The following F2RL1 variants were observed in gnomAD, a reference collection of about 807,000 sequenced individuals.
F2RL1 encodes proteinase-activated receptor 2.
Under a neutral mutation model 21.7 loss-of-function variants are expected in F2RL1, and 16 were observed. That is an observed-to-expected ratio of 0.74 (90% CI 0.50 to 1.12). F2RL1 has a LOEUF of 1.12. Ranked by LOEUF, F2RL1 falls within the 50% of genes most tolerant of loss-of-function variation. F2RL1 has a pLI of 0.00. For synonymous variants in F2RL1, 181 were observed against 186.7 expected, an observed-to-expected ratio of 0.97 and a Z score of 0.25; for missense variants, 432 against 477.8, an observed-to-expected ratio of 0.90 and a Z score of 0.89.
intron 1 of F2RL1, among the ~76,000 whole-genome samples, chr5:76,820,740 CT>C (rs2150604060): frequency 6.6e-6 from 1 of 152,222 alleles, no homozygotes; most frequent in East Asian, 1.9e-4. Flanking sequence ...GTTTACTACT[CT>C]TGGGGGATTG....
In F2RL1 at chr5:76,833,629, C is replaced by G. The variant is rs764534865; in HGVS notation, c.1022C>G (p.Pro341Arg). ...CLSTLNSCIDPFVYYFVSHDF... is the reference protein window; with the variant it reads ...CLSTLNSCIDRFVYYFVSHDF... ...TCTACCCTTAACAGCTGCATCGACC[C>G]CTTTGTCTATTACTTTGTTTCACAT... is the stretch of plus-strand genomic sequence containing the variant. Residue 341 changes from proline (P) to arginine (R), a missense_variant, in exon 2 of 2, where the codon CCC becomes CGC. Pro to Arg is a moderately radical substitution (Grantham distance 103). Coordinates refer to ENST00000296677, the MANE Select transcript of F2RL1 (RefSeq NM_005242.6). The G allele has an allele frequency of 1.7e-5, 28 of 1,613,806 alleles. No individual in the cohort carries two copies.
At chr5:76,825,655 G>A (rs144771589) in intron 1 of F2RL1, among the ~76,000 whole-genome samples, 4 of 152,316 alleles carry the variant, frequency 2.6e-5, no homozygotes, top group African/African-American at 7.2e-5. Flanking sequence ...AGCTGGGATA[G>A]CATCGGTTCT....
chr5:76,833,564 G>C lies in F2RL1; in HGVS notation c.957G>C (p.Gln319His), dbSNP rs1186516213. ...ATTTTCTGATTAAGAGCCAGGGCCAGAGCCATGTCTATGCCCTGTACATTG... is the reference window on the plus strand; with the variant it reads ...ATTTTCTGATTAAGAGCCAGGGCCACAGCCATGTCTATGCCCTGTACATTG... ...VHYFLIKSQGQSHVYALYIVA... is the reference protein window; with the variant it reads ...VHYFLIKSQGHSHVYALYIVA... The change falls in exon 2 of 2, where the codon CAG becomes CAC. Residue 319 changes from glutamine (Q) to histidine (H), a missense_variant. Coordinates refer to ENST00000296677, the MANE Select transcript of F2RL1 (RefSeq NM_005242.6). 8.7e-6 allele frequency: 14 copies of C among 1,613,834 alleles called. No individual in the cohort carries two copies. The highest frequency in any genetic ancestry group is 1.2e-5 in the Non-Finnish European group (14 of 1,180,004).
At chr5:76,832,591 TA>T in intron 1 of F2RL1, 98 bp from the exon 2 acceptor site, 1 of 1,238,654 alleles carries the variant, frequency 8.1e-7, no homozygotes, top group Non-Finnish European at 1.1e-6. Flanking sequence ...TCTCATAAAT[TA>T]AAAAATGAAT....
At chr5:76,830,901 A>G (rs1216875519) in intron 1 of F2RL1, among the ~76,000 whole-genome samples, 1 of 152,192 alleles carries the variant, frequency 6.6e-6, no homozygotes, top group African/African-American at 2.4e-5. Flanking sequence ...ATGATGACCA[A>G]GCATAACATT....
At chr5:76,821,433 T>C (rs1750134267) in intron 1 of F2RL1, among the ~76,000 whole-genome samples, 2 of 152,230 alleles carry the variant, frequency 1.3e-5, no homozygotes, top group South Asian at 4.1e-4. Context: ...CTGGTCCATG[T>C]GGTGTTCATT....
Position 76,819,276 on chromosome 5 carries a change from G to A in F2RL1, c.82+12G>A. The A allele has an allele frequency of 6.3e-7, 1 of 1,581,756 alleles. No homozygotes were observed. The highest frequency in any genetic ancestry group is 8.5e-7 in the Non-Finnish European group (1 of 1,172,694). ...TGGCACCATCCAAGGTGAGAAACCTGGCCAAGGAGGGCTCTTATCTCTGAG... is the reference window on the plus strand; with the variant it reads ...TGGCACCATCCAAGGTGAGAAACCTAGCCAAGGAGGGCTCTTATCTCTGAG... On this transcript the variant is annotated intron_variant, in intron 1 of 1. Transcript: ENST00000296677.
Position 76,833,250 on chromosome 5 carries a change from A to G in F2RL1, c.643A>G (p.Thr215Ala). ...VTIPLYVVKQ[T>A]IFIPALNITT... Reference sequence around the variant, plus strand: ...CATTCCTTTGTATGTCGTGAAGCAGACCATCTTCATTCCTGCCCTGAACAT... The same window carrying G: ...CATTCCTTTGTATGTCGTGAAGCAGGCCATCTTCATTCCTGCCCTGAACAT... Residue 215 changes from threonine (T) to alanine (A), a missense_variant, in exon 2 of 2, where the codon ACC (threonine) becomes GCC (alanine). Thr to Ala is a moderately conservative substitution (Grantham distance 58). Coordinates refer to ENST00000296677, the MANE Select transcript of F2RL1 (RefSeq NM_005242.6). The G allele has an allele frequency of 6.2e-7, 1 of 1,612,448 alleles. No individual in the cohort carries two copies. The highest frequency in any genetic ancestry group is 8.5e-7 in the Non-Finnish European group (1 of 1,179,860).
chr5:76,828,085 C>T (rs1218297604), intron 1 of F2RL1, among the ~76,000 whole-genome samples: 2 of 152,104 alleles, frequency 1.3e-5, no homozygotes, highest in African/African-American at 4.8e-5. Flanking sequence ...TCTCCTGTCT[C>T]ACCCTCCCAA....
Position 76,832,748 on chromosome 5 carries a change from C to A in F2RL1, c.141C>A (p.His47Gln), listed in dbSNP as rs148375929. 2.5e-6 allele frequency: 4 copies of A among 1,614,132 alleles called. No individual in the cohort carries two copies. Among genetic ancestry groups the A allele is most frequent in the South Asian group, 1.1e-5 (1 of 91,070 alleles). ...TTGGTAAGGTTGATGGCACATCCCA[C>A]GTCACTGGAAAAGGAGTTACAGTTG... Reference protein sequence around the residue: ...SLIGKVDGTSHVTGKGVTVET... With the variant: ...SLIGKVDGTSQVTGKGVTVET... Residue 47 changes from histidine (H) to glutamine (Q), a missense_variant, in exon 2 of 2, where the codon CAC becomes CAA. Coordinates refer to ENST00000296677, the MANE Select transcript of F2RL1 (RefSeq NM_005242.6).
At chr5:76,819,316 G>C (rs1184790738) in intron 1 of F2RL1, 52 bp downstream of exon 1, 1 of 1,464,010 alleles carries the variant, frequency 6.8e-7, no homozygotes, top group South Asian at 1.2e-5. Flanking sequence ...TGGGGTCCTG[G>C]GCACGCTGGG....
At chr5:76,822,690 C>T (rs569394355) in intron 1 of F2RL1, among the ~76,000 whole-genome samples, 167 of 152,244 alleles carry the variant, frequency 1.1e-3, no homozygotes, top group African/African-American at 3.7e-3. Flanking sequence ...GAAAACAGTT[C>T]ATTCTGAAAG....
At chr5:76,827,156 G>C (rs572865093) in intron 1 of F2RL1, among the ~76,000 whole-genome samples, 1 of 151,292 alleles carries the variant, frequency 6.6e-6, no homozygotes, top group African/African-American at 2.4e-5. Context: ...CAGCCCACTT[G>C]TTGACTGTGG....
At position 76,835,239 on chromosome 5, in the gene F2RL1, T is replaced by C. The variant is rs573164812; in HGVS notation, c.*1438T>C. 176 of 152,410 alleles carry C rather than the reference T, an allele frequency of 1.2e-3. 1 individual carries two copies. The highest frequency in any genetic ancestry group is 4.0e-3 in the African/African-American group (167 of 41,572). 9.4% of individuals were successfully genotyped at this position (152,410 alleles called of 1,614,324 possible). On this transcript the variant is annotated 3_prime_UTR_variant, in exon 2 of 2. Coordinates refer to ENST00000296677, the MANE Select transcript of F2RL1 (RefSeq NM_005242.6). ...ATGCCAAAATGACTTTATACAACGA[T>C]TGTATTTGTGACTTTTAAAAATAAT... is the stretch of plus-strand genomic sequence containing the variant.
intron 1 of F2RL1, among the ~76,000 whole-genome samples, chr5:76,828,104 G>A (rs753399608): frequency 1.3e-5 from 2 of 152,040 alleles, no homozygotes; most frequent in Admixed American, 1.3e-4. Flanking sequence ...AAGTTGCTGG[G>A]ATTATAGGTG....
chr5:76,819,163 G>C lies in F2RL1; in HGVS notation c.-20G>C. 1 of 1,564,158 alleles carries C rather than the reference G, an allele frequency of 6.4e-7. No homozygotes were observed. The highest frequency in any genetic ancestry group is 1.9e-4 in the Middle Eastern group (1 of 5,202). On this transcript the variant is annotated 5_prime_UTR_variant, in exon 1 of 2. Coordinates refer to ENST00000296677, the MANE Select transcript of F2RL1 (RefSeq NM_005242.6). Reference sequence around the variant, plus strand: ...CGGCGGCGGATTCCCCGCGCGCCCGGCGTCGGGGCTTCCAGGAGGATGCGG... The same window carrying C: ...CGGCGGCGGATTCCCCGCGCGCCCGCCGTCGGGGCTTCCAGGAGGATGCGG...
At position 76,822,415 on chromosome 5, in the gene F2RL1, G is replaced by A. The variant is rs921173629; in HGVS notation, c.82+3151G>A. Among the ~76,000 whole-genome samples, 7 of 152,010 alleles carry A rather than the reference G, an allele frequency of 4.6e-5. No individual in the cohort carries two copies. The South Asian group carries it at 1.0e-3, about 23-fold the overall frequency. On this transcript the variant is annotated intron_variant, in intron 1 of 1. Transcript: ENST00000296677. The stretch of plus-strand genomic sequence containing the variant: ...GTGTTTTTGGTATAAACGGGGTTTC[G>A]CCACGTTGGCCAGGCTGATCTTGAA...
intron 1 of F2RL1, among the ~76,000 whole-genome samples, chr5:76,821,334 T>C (rs1399047036): frequency 6.6e-6 from 1 of 152,164 alleles, no homozygotes; most frequent in Non-Finnish European, 1.5e-5. Context: ...TACCATCCTT[T>C]CCATCACGTC....
chr5:76,833,610 C>T lies in F2RL1; in HGVS notation c.1003C>T (p.Leu335Phe). 1 of 1,613,952 alleles carries T rather than the reference C, an allele frequency of 6.2e-7. No homozygotes were observed. Among genetic ancestry groups the T allele is most frequent in the Admixed American group, 1.7e-5 (1 of 59,978 alleles). The change falls in exon 2 of 2, where the codon CTT (leucine) becomes TTT (phenylalanine). Residue 335 changes from leucine to phenylalanine, a missense_variant. Transcript: ENST00000296677. ...LYIVALCLST[L>F]NSCIDPFVYY... ...CATTGTAGCCCTCTGCCTCTCTACC[C>T]TTAACAGCTGCATCGACCCCTTTGT...
Sources: allele counts gnomAD v4.1 joint callset (sites outside exome capture counted in the v4.1 genomes callset), GRCh38; gene constraint gnomAD v4.1.1; transcripts MANE v1.5; gene names NCBI Gene and HGNC (gene_info 2026-07-23, HGNC 2026-07-21).